NUP210L: variants seen among roughly 807,000 people sequenced by gnomAD.
NUP210L encodes nucleoporin 210 like, also known as nuclear pore membrane glycoprotein 210-like.
NUP210L carries 74 observed loss-of-function variants against 208.5 expected under a neutral mutation model. The observed-to-expected ratio is 0.35, with a 90% confidence interval of 0.29 to 0.43. The LOEUF is 0.43. Ranked by LOEUF, NUP210L falls within the 20% of genes least tolerant of loss-of-function variation. The pLI is 1.00. For missense variants in NUP210L, 1,843 were observed against 2,289.4 expected (o/e 0.81, Z 3.98); for synonymous variants, 780 against 816.9 (o/e 0.95, Z 0.77).
chr1:154,054,947 C>T (rs1284902592), intron 23 of NUP210L, 115 bp from the exon 24 acceptor site: 4 of 700,420 alleles, frequency 5.7e-6, no homozygotes, highest in Non-Finnish European at 1.0e-5. Flanking sequence ...GTTGCCCATG[C>T]TGAAGTGCAG....
intron 27 of NUP210L, among the ~76,000 whole-genome samples, chr1:154,033,150 C>G (rs1420759080): frequency 6.6e-6 from 1 of 151,852 alleles, no homozygotes; most frequent in Non-Finnish European, 1.5e-5. Flanking sequence ...GATGTTAATC[C>G]TTTGTTAGAT....
chr1:154,058,575 A>G, exon 21 of NUP210L: 1 of 1,611,532 alleles, frequency 6.2e-7, no homozygotes. Flanking sequence ...CTTATCAATC[A>G]GATCAAGCTC....
At chr1:153,993,227 T>C in intron 38 of NUP210L, 138 bp from the exon 39 acceptor site, 1 of 594,260 alleles carries the variant, frequency 1.7e-6, no homozygotes, top group East Asian at 3.1e-5. Context: ...AGGAAGTTTT[T>C]ATCCCAATTT....
At chr1:154,127,552 T>TA in intron 8 of NUP210L, 135 bp from the exon 9 acceptor site, 9 of 286,980 alleles carry the variant, frequency 3.1e-5, no homozygotes, top group Non-Finnish European at 4.7e-5. Flanking sequence ...CAAAGTAGGT[T>TA]CTTTTTTTTT....
chr1:154,134,351 T>C (rs1417024890), intron 7 of NUP210L, among the ~76,000 whole-genome samples: 2 of 151,310 alleles, frequency 1.3e-5, no homozygotes, highest in Non-Finnish European at 2.9e-5. Flanking sequence ...GTCCAAATCA[T>C]ATTTCAATTT....
intron 27 of NUP210L, among the ~76,000 whole-genome samples, chr1:154,031,556 A>G (rs1360667936): frequency 8.4e-6 from 1 of 119,664 alleles, no homozygotes; most frequent in Non-Finnish European, 1.6e-5. Context: ...AGCCTCCAGT[A>G]ACCATCATTC....
At chr1:154,000,968 G>T in exon 37 of NUP210L, 1 of 1,614,194 alleles carries the variant, frequency 6.2e-7, no homozygotes, top group Non-Finnish European at 8.5e-7. Flanking sequence ...AGGAAGTGAA[G>T]TTGACCACTC....
chr1:154,071,065 C>T lies in NUP210L; in HGVS notation c.2362-600G>A, dbSNP rs2148012900. Among the ~76,000 whole-genome samples, 3 of 150,464 alleles carry T rather than the reference C, an allele frequency of 2.0e-5. 1 individual carries two copies. The highest frequency in any genetic ancestry group is 6.9e-3 in the Middle Eastern group (2 of 290). On this transcript the variant is annotated intron_variant, in intron 16 of 39. Transcript: ENST00000368559. ...CATGATATTGAATTTTTTGTAAAGTCCAGGCCAGTTTTTTGTTTTGTTTTG... is the reference window on the plus strand; with the variant it reads ...CATGATATTGAATTTTTTGTAAAGTTCAGGCCAGTTTTTTGTTTTGTTTTG...
At chr1:154,012,123 C>T in intron 34 of NUP210L, 121 bp downstream of exon 34, 1 of 956,670 alleles carries the variant, frequency 1.0e-6, no homozygotes, top group South Asian at 1.6e-5. Context: ...ATTTATTTGT[C>T]AAGATGGAGT....
At chr1:154,155,030 C>T (rs767775234) in exon 1 of NUP210L, 4 of 1,606,718 alleles carry the variant, frequency 2.5e-6, no homozygotes, top group Admixed American at 3.4e-5. Flanking sequence ...TTGATGACGC[C>T]GGACAGCCAG....
chr1:154,139,718 C>A, intron 5 of NUP210L, 84 bp downstream of exon 5: 3 of 965,098 alleles, frequency 3.1e-6, no homozygotes, highest in Middle Eastern at 2.2e-4. Context: ...GCGGGTAGTG[C>A]ATTCTTGTAG....
intron 14 of NUP210L, 24 bp from the exon 15 acceptor site, chr1:154,095,180 TTC>T: frequency 6.5e-7 from 1 of 1,541,248 alleles, no homozygotes; most frequent in Non-Finnish European, 9.0e-7. Context: ...AAGAAATTAA[TTC>T]CTGATAGGTT....
intron 27 of NUP210L, among the ~76,000 whole-genome samples, chr1:154,035,500 C>A (rs1193617749): frequency 6.6e-6 from 1 of 150,656 alleles, no homozygotes; most frequent in Non-Finnish European, 1.5e-5. Context: ...CGGGTTCAAG[C>A]GATTCTCCTG....
At chr1:154,134,810 A>G (rs931198782) in intron 7 of NUP210L, among the ~76,000 whole-genome samples, 2 of 142,004 alleles carry the variant, frequency 1.4e-5, no homozygotes, top group Admixed American at 7.1e-5. Context: ...ATCTTGGCTC[A>G]CCGCAACCTC....
intron 35 of NUP210L, among the ~76,000 whole-genome samples, chr1:154,006,952 A>G (rs1362960960): frequency 6.3e-4 from 72 of 113,642 alleles, no homozygotes; most frequent in Admixed American, 2.4e-3. Context: ...GTGTGTATAT[A>G]TATATATATA....
chr1:154,027,737 T>G (rs1361791756), intron 28 of NUP210L, 140 bp from the exon 29 acceptor site: 5 of 584,346 alleles, frequency 8.6e-6, no homozygotes, highest in Non-Finnish European at 1.5e-5. Context: ...TAACTTCTAA[T>G]TAGTCTAAAA....
At chr1:154,128,069 G>A (rs1484071948) in intron 8 of NUP210L, among the ~76,000 whole-genome samples, 3 of 151,848 alleles carry the variant, frequency 2.0e-5, no homozygotes. Flanking sequence ...TCATCATGTT[G>A]CCCACACTGG....
chr1:153,996,983 G>A (rs1649926837), intron 37 of NUP210L, among the ~76,000 whole-genome samples: 2 of 150,288 alleles, frequency 1.3e-5, no homozygotes, highest in Admixed American at 1.3e-4. Flanking sequence ...TTGTTTTTGA[G>A]ATGGAGTTTC....
At chr1:154,110,767 A>G (rs929446987) in intron 12 of NUP210L, among the ~76,000 whole-genome samples, 5 of 151,366 alleles carry the variant, frequency 3.3e-5, no homozygotes, top group African/African-American at 4.9e-5. Context: ...ATTCCCAGCT[A>G]CTTGGGAGAC....
Sources: allele counts gnomAD v4.1 joint callset (sites outside exome capture counted in the v4.1 genomes callset), GRCh38; gene constraint gnomAD v4.1.1; transcripts MANE v1.5; gene names NCBI Gene and HGNC (gene_info 2026-07-23, HGNC 2026-07-21).